The following ZFAND3 variants were observed in gnomAD, a reference collection of about 807,000 sequenced individuals.
ZFAND3 encodes the protein AN1-type zinc finger protein 3.
Under a neutral mutation model 29.6 loss-of-function variants are expected in ZFAND3, and 10 were observed. The ratio of observed to expected loss-of-function variants is 0.34; its 90% CI spans 0.21 to 0.57. The LOEUF is 0.57. Ranked by LOEUF, ZFAND3 falls within the 20% of genes least tolerant of loss-of-function variation. The pLI, the probability that ZFAND3 is intolerant of heterozygous loss-of-function variation, is 0.86. For missense variants in ZFAND3, 230 were observed against 304.5 expected, an observed-to-expected ratio of 0.76 and a Z score of 1.82; for synonymous variants, 128 against 112.6, an observed-to-expected ratio of 1.14 and a Z score of -0.87.
chr6:38,117,557 T>A (rs1683140611), intron 5 of ZFAND3, among the ~76,000 whole-genome samples: 1 of 152,218 alleles, frequency 6.6e-6, no homozygotes, highest in African/African-American at 2.4e-5. Context: ...CTGTACTTGT[T>A]TTTATTTCCT....
At chr6:38,050,686 T>C (rs1317689236) in intron 2 of ZFAND3, among the ~76,000 whole-genome samples, 1 of 152,124 alleles carries the variant, frequency 6.6e-6, no homozygotes, top group Non-Finnish European at 1.5e-5. Flanking sequence ...CTCTTTTCTT[T>C]ATAAGTTACC....
chr6:37,963,129 C>T (rs770433420), intron 2 of ZFAND3, among the ~76,000 whole-genome samples: 13 of 151,950 alleles, frequency 8.6e-5, no homozygotes, highest in Non-Finnish European at 1.8e-4. Flanking sequence ...TGCGAGGGTC[C>T]GCAGCTTCAT....
chr6:37,861,067 G>A (rs1764481632), intron 1 of ZFAND3, among the ~76,000 whole-genome samples: 1 of 152,062 alleles, frequency 6.6e-6, no homozygotes, highest in South Asian at 2.1e-4. Context: ...GACCAGCCTG[G>A]CCAACATGGT....
At chr6:37,921,093 CCTT>C (rs1172434435) in intron 1 of ZFAND3, among the ~76,000 whole-genome samples, 1 of 152,128 alleles carries the variant, frequency 6.6e-6, no homozygotes, top group Non-Finnish European at 1.5e-5. Context: ...CTCCTCGCCG[CCTT>C]CTCCTTCTCT....
chr6:38,030,082 A>T (rs1344302232), intron 2 of ZFAND3, among the ~76,000 whole-genome samples: 4 of 60,802 alleles, frequency 6.6e-5, no homozygotes, highest in Non-Finnish European at 1.9e-4. Flanking sequence ...ATATATATAT[A>T]TATATATATA....
rs886539731 is a variant in ZFAND3, at chr6:38,153,286, A to G, written c.*897A>G. On this transcript the variant is annotated 3_prime_UTR_variant, in exon 6 of 6. Coordinates refer to ENST00000287218, the MANE Select transcript of ZFAND3 (RefSeq NM_021943.3). ...TGGGAGTTTTTTAAAAAGACATTTC[A>G]TAGCCAACAAGAATCAGTAGAAGTG... 1 of 985,394 alleles carries G rather than the reference A, an allele frequency of 1.0e-6. No individual in the cohort carries two copies. Among genetic ancestry groups the G allele is most frequent in the African/African-American group, 1.7e-5 (1 of 57,264 alleles). 61.0% of individuals were successfully genotyped at this position (985,394 alleles called of 1,614,324 possible). A position where few individuals can be genotyped will look rare whatever the true frequency, so the allele number is the denominator to read the frequency against.
At chr6:37,856,387 C>T (rs1764383475) in intron 1 of ZFAND3, among the ~76,000 whole-genome samples, 1 of 152,196 alleles carries the variant, frequency 6.6e-6, no homozygotes, top group Admixed American at 6.5e-5. Context: ...ATTCTCTTTT[C>T]TGCTAACCTG....
At chr6:37,875,607 CT>C (rs1166535416) in intron 1 of ZFAND3, among the ~76,000 whole-genome samples, 1 of 149,276 alleles carries the variant, frequency 6.7e-6, no homozygotes, top group Non-Finnish European at 1.5e-5. Context: ...TATATTAGTT[CT>C]TGTTTATGTA....
chr6:38,143,011 T>C (rs1765995417), intron 5 of ZFAND3: 1 of 152,304 alleles, frequency 6.6e-6, no homozygotes, highest in Non-Finnish European at 1.5e-5. Flanking sequence ...ACAATATCTT[T>C]CATGGTGTGG....
At chr6:37,909,616 A>G (rs1337538351) in intron 1 of ZFAND3, among the ~76,000 whole-genome samples, 1 of 133,904 alleles carries the variant, frequency 7.5e-6, no homozygotes, top group African/African-American at 2.9e-5. Context: ...TTTTGTTCAG[A>G]ATTCTTTTTT....
At chr6:37,982,027 G>A (rs996979798) in intron 2 of ZFAND3, among the ~76,000 whole-genome samples, 2 of 152,084 alleles carry the variant, frequency 1.3e-5, no homozygotes, top group Non-Finnish European at 2.9e-5. Flanking sequence ...CACAGAATAC[G>A]CCATTTACAA....
At chr6:38,112,305 G>A (rs1231453654) in intron 4 of ZFAND3, among the ~76,000 whole-genome samples, 1 of 152,192 alleles carries the variant, frequency 6.6e-6, no homozygotes, top group Non-Finnish European at 1.5e-5. Flanking sequence ...AAAAGAATCT[G>A]CTTTGTTGGC....
chr6:37,896,514 TTTTCTTTCTTTCTTTCTTTCTTTCTTTC>T (rs58666227), intron 1 of ZFAND3, among the ~76,000 whole-genome samples: 3 of 109,100 alleles, frequency 2.7e-5, no homozygotes, highest in African/African-American at 1.1e-4. Context: ...TTCCTCTTTC[TTTTCTTTCTTTCTTTCTTTCTTTCTTTC>T]TTTCTTTCTT....
At chr6:38,016,442 A>G (rs1477159997) in intron 2 of ZFAND3, among the ~76,000 whole-genome samples, 13 of 152,242 alleles carry the variant, frequency 8.5e-5, no homozygotes, top group Admixed American at 7.2e-4. Flanking sequence ...AGGCAAGTCC[A>G]TGCCAGAACT....
chr6:37,829,631 T>A (rs1763823306), intron 1 of ZFAND3, among the ~76,000 whole-genome samples: 1 of 152,246 alleles, frequency 6.6e-6, no homozygotes, highest in Non-Finnish European at 1.5e-5. Flanking sequence ...ATTTTTTTTA[T>A]TGATTTGGGA....
At chr6:37,859,130 C>T (rs77743208) in intron 1 of ZFAND3, among the ~76,000 whole-genome samples, 1 of 152,208 alleles carries the variant, frequency 6.6e-6, no homozygotes, top group Non-Finnish European at 1.5e-5. Flanking sequence ...ATTTTGGCTC[C>T]ACCACTTGTT....
At chr6:38,091,691 CTTT>C (rs34406765) in intron 4 of ZFAND3, among the ~76,000 whole-genome samples, 18 of 129,814 alleles carry the variant, frequency 1.4e-4, no homozygotes, top group Non-Finnish European at 1.9e-4. Context: ...ATTAAGGAGC[CTTT>C]TTTTTTTTTT....
chr6:37,990,301 T>G (rs1392530450), intron 2 of ZFAND3, among the ~76,000 whole-genome samples: 1 of 152,152 alleles, frequency 6.6e-6, no homozygotes, highest in Non-Finnish European at 1.5e-5. Context: ...TCTGTTCTGG[T>G]ATTTACTAGG....
chr6:37,871,805 A>G (rs2127388305), intron 1 of ZFAND3, among the ~76,000 whole-genome samples: 1 of 152,298 alleles, frequency 6.6e-6, no homozygotes, highest in East Asian at 1.9e-4. Context: ...CATTGTGGAC[A>G]ATTTATTATA....
Sources: allele counts gnomAD v4.1 joint callset (sites outside exome capture counted in the v4.1 genomes callset), GRCh38; gene constraint gnomAD v4.1.1; transcripts MANE v1.5; gene names NCBI Gene and HGNC (gene_info 2026-07-23, HGNC 2026-07-21).